LRRC57: variants seen among roughly 807,000 people sequenced by gnomAD.
The protein encoded by LRRC57 is leucine rich repeat containing 57.
LRRC57 carries 14 observed loss-of-function variants against 23.1 expected under a neutral mutation model. The ratio of observed to expected loss-of-function variants is 0.61; its 90% CI spans 0.40 to 0.95. The LOEUF is 0.95. Ranked by LOEUF, LRRC57 falls within the 40% of genes least tolerant of loss-of-function variation. The pLI, the probability that LRRC57 is intolerant of heterozygous loss-of-function variation, is 0.00. For missense variants in LRRC57, 236 were observed against 284.4 expected (o/e 0.83, Z 1.22); for synonymous variants, 106 against 115.2 (o/e 0.92, Z 0.51).
At chr15:42,546,757 T>C (rs2057659732) in intron 4 of LRRC57, among the ~76,000 whole-genome samples, 1 of 152,204 alleles carries the variant, frequency 6.6e-6, no homozygotes, top group Non-Finnish European at 1.5e-5. Flanking sequence ...AACAGTGAAA[T>C]GGGCTATCTC....
At chr15:42,536,254 T>TA (rs1413766227), downstream of LRRC57, among the ~76,000 whole-genome samples, 1 of 152,256 alleles carries the variant, frequency 6.6e-6, no homozygotes, top group Non-Finnish European at 1.5e-5. Context: ...ATGGCACTGA[T>TA]AGACTTGCTC....
At position 42,541,981 on chromosome 15, in the gene LRRC57, G is replaced by C. The variant is rs1272506119; in HGVS notation, c.*2102C>G. 2.6e-5 allele frequency: 4 copies of C among 151,340 alleles called. No individual in the cohort carries two copies. The South Asian group carries it at 6.3e-4, about 24-fold the overall frequency. 9.4% of individuals were successfully genotyped at this position (151,340 alleles called of 1,614,324 possible). ...TCACCGTGTTAGCCAGGATGGTCTC[G>C]ATCTCTTGACCTCGTGATCTGCCCG... On this transcript the variant is annotated 3_prime_UTR_variant, in exon 6 of 6. Transcript: ENST00000397130.
rs2057625981 is a variant in LRRC57 at position 42,541,007 on chromosome 15, G to A, written c.*3076C>T. On this transcript the variant is annotated 3_prime_UTR_variant, in exon 6 of 6. Transcript: ENST00000397130. ...AGATCGCACCACTGCACTCCAGCCTGGGTGAAAGAATGAGACTCCGTCTCA... is the reference window on the plus strand; with the variant it reads ...AGATCGCACCACTGCACTCCAGCCTAGGTGAAAGAATGAGACTCCGTCTCA... 2 of 151,816 alleles carry A rather than the reference G, an allele frequency of 1.3e-5. No individual in the cohort carries two copies. The highest frequency in any genetic ancestry group is 4.8e-5 in the African/African-American group (2 of 41,344). 9.4% of individuals were successfully genotyped at this position (151,816 alleles called of 1,614,324 possible).
the LRRC57 span, among the ~76,000 whole-genome samples, chr15:42,529,331 GT>G: frequency 1.9e-4 from 29 of 152,286 alleles, no homozygotes; most frequent in African/African-American, 7.0e-4. Flanking sequence ...TAAACCGTAG[GT>G]TTCTGGGATG....
rs2057663927 is a variant in LRRC57, at chr15:42,547,335, TAGAG to T, written c.414_417del (p.Ser139ArgfsTer31). On this transcript the variant is annotated frameshift_variant, in exon 4 of 6. Transcript: ENST00000397130. LOFTEE classifies it high-confidence loss of function. Reference sequence around the variant, plus strand: ...TCAGGTATACTTCGAATCTGGTTCTTAGAGAGATCCATCACATCCAGGTGCCGTA... The same window carrying T: ...TCAGGTATACTTCGAATCTGGTTCTTAGATCCATCACATCCAGGTGCCGTA... 6.2e-7 allele frequency: 1 copy of T among 1,614,072 alleles called. No homozygotes were observed. Among genetic ancestry groups the T allele is most frequent in the Non-Finnish European group, 8.5e-7 (1 of 1,180,038 alleles).
rs867251124 is a variant in LRRC57, at chr15:42,548,362, C to T, written c.73G>A (p.Gly25Arg). 6.2e-7 allele frequency: 1 copy of T among 1,614,242 alleles called. No individual in the cohort carries two copies. The highest frequency in any genetic ancestry group is 8.5e-7 in the Non-Finnish European group (1 of 1,180,042). ...KTGVFQLKDR[G>R]LTEFPADLQK... ...CCTCCCAGTCTCACCTCGGTCAGCC[C>T]TCGGTCCTTAAGCTGAAAGACACCA... The change falls in exon 2 of 6, where the codon GGG becomes AGG. Residue 25 changes from glycine (G) to arginine (R), a missense_variant. Gly to Arg is a moderately radical substitution (Grantham distance 125, BLOSUM62 -2). Coordinates refer to ENST00000397130, the MANE Select transcript of LRRC57 (RefSeq NM_153260.3).
At chr15:42,547,853 C>G in intron 3 of LRRC57, 3 of 559,590 alleles carry the variant, frequency 5.4e-6, no homozygotes, top group Non-Finnish European at 9.4e-6. Flanking sequence ...GCTTTGTTTA[C>G]ATTACATCCC....
chr15:42,544,416 T>C (rs146736617), intron 5 of LRRC57, among the ~76,000 whole-genome samples: 1 of 152,064 alleles, frequency 6.6e-6, no homozygotes, highest in East Asian at 1.9e-4. Flanking sequence ...GTAGCGCCTG[T>C]AGTCTCAGCT....
rs1167773259 is a variant in LRRC57, at chr15:42,544,840, C to CTATATATATATATATATAT, written c.678+236_678+237insATATATATATATATATATA. 1.7e-3 allele frequency among the ~76,000 whole-genome samples: 182 copies of CTATATATATATATATATAT among 108,908 alleles called. 2 individuals carry two copies. Among genetic ancestry groups the CTATATATATATATATATAT allele is most frequent in the African/African-American group, 8.7e-3 (173 of 19,784 alleles). The allele number at this position is 108,908 out of a possible 152,430, so 71.4% of individuals were successfully genotyped here. On this transcript the variant is annotated intron_variant, in intron 5 of 5. Coordinates refer to ENST00000397130, the MANE Select transcript of LRRC57 (RefSeq NM_153260.3). The stretch of plus-strand genomic sequence containing the variant: ...TCACACACACACACACACACACACA[C>CTATATATATATATATATAT]ACTATATATATATATATATCAAAAG...
chr15:42,536,007 G>A (rs770725565), downstream of LRRC57, among the ~76,000 whole-genome samples: 4 of 152,150 alleles, frequency 2.6e-5, no homozygotes, highest in Admixed American at 6.5e-5. Flanking sequence ...GAGCCTAGGC[G>A]GTTGAGGCTG....
chr15:42,528,844 C>T, the LRRC57 span, among the ~76,000 whole-genome samples: 3 of 152,170 alleles, frequency 2.0e-5, no homozygotes, highest in Non-Finnish European at 4.4e-5. Flanking sequence ...CCTCGGCCTC[C>T]CAAAGTGCTG....
chr15:42,537,320 A>G (rs2057606018), downstream of LRRC57, among the ~76,000 whole-genome samples: 1 of 151,694 alleles, frequency 6.6e-6, no homozygotes, highest in Admixed American at 6.6e-5. Flanking sequence ...GCTAATCATC[A>G]TGGAAATGCA....
chr15:42,545,166 T>C lies in LRRC57; in HGVS notation c.589A>G (p.Ile197Val). Reference sequence around the variant, plus strand: ...AGACAGATCTGGGAATCACTGAGGATGCTCTGGGGAAGCATGCTGAGCTCA... The same window carrying C: ...AGACAGATCTGGGAATCACTGAGGACGCTCTGGGGAAGCATGCTGAGCTCA... ...CLELSMLPQS[I>V]LSDSQICLLA... The change falls in exon 5 of 6, where the codon ATC becomes GTC. Residue 197 changes from isoleucine to valine, a missense_variant. Ile to Val is a conservative substitution (Grantham distance 29). Transcript: ENST00000397130. 1 of 1,612,526 alleles carries C rather than the reference T, an allele frequency of 6.2e-7. No individual in the cohort carries two copies. The highest frequency in any genetic ancestry group is 8.5e-7 in the Non-Finnish European group (1 of 1,179,302).
chr15:42,547,186 CAA>C (rs1392380227), intron 4 of LRRC57, 73 bp downstream of exon 4: 2 of 1,484,356 alleles, frequency 1.3e-6, no homozygotes, highest in East Asian at 2.3e-5. Context: ...GTTTAGGAAA[CAA>C]GAGGTTAACA....
the LRRC57 span, among the ~76,000 whole-genome samples, chr15:42,530,216 A>G: frequency 6.6e-6 from 1 of 152,134 alleles, no homozygotes; most frequent in Non-Finnish European, 1.5e-5. Flanking sequence ...CCTGCCTCCT[A>G]GGCTAAAGCG....
At chr15:42,537,229 T>TCACA (rs1445243515), downstream of LRRC57, among the ~76,000 whole-genome samples, 21 of 109,044 alleles carry the variant, frequency 1.9e-4, no homozygotes, top group Admixed American at 5.9e-4. Context: ...TCTCTCTCTC[T>TCACA]CTCTCACACA....
Position 42,545,160 on chromosome 15 carries a change from T to C in LRRC57, c.595A>G (p.Ser199Gly). 6.2e-7 allele frequency: 1 copy of C among 1,610,856 alleles called. No individual in the cohort carries two copies. Among genetic ancestry groups the C allele is most frequent in the Non-Finnish European group, 8.5e-7 (1 of 1,178,490 alleles). ...ELSMLPQSIL[S>G]DSQICLLAVE... is the part of the protein sequence containing the mutation. ...GCAAGCAGACAGATCTGGGAATCAC[T>C]GAGGATGCTCTGGGGAAGCATGCTG... Residue 199 changes from serine to glycine, a missense_variant, in exon 5 of 6, where the codon AGT (serine) becomes GGT (glycine). Transcript: ENST00000397130.
chr15:42,544,287 G>A (rs767211624), intron 5 of LRRC57, among the ~76,000 whole-genome samples, 163 bp from the exon 6 acceptor site: 6 of 151,936 alleles, frequency 3.9e-5, no homozygotes, highest in Non-Finnish European at 7.4e-5. Flanking sequence ...TTTTGGCCAG[G>A]TGCAGAGGCT....
intron 3 of LRRC57, 88 bp downstream of exon 3, chr15:42,548,018 A>G: frequency 1.4e-6 from 2 of 1,457,502 alleles, no homozygotes; most frequent in Non-Finnish European, 1.9e-6. Flanking sequence ...GCACGGTTTC[A>G]TAACAAAAAC....
Sources: gnomAD v4.1 joint callset for allele counts (sites outside exome capture counted in the v4.1 genomes callset) on GRCh38, gnomAD v4.1.1 for gene constraint, MANE v1.5 for transcripts, NCBI Gene and HGNC (gene_info 2026-07-23, HGNC 2026-07-21) for gene names.